ST18: variants seen among roughly 807,000 people sequenced by gnomAD.
The protein encoded by ST18 is ST18 C2H2C-type zinc finger transcription factor.
A neutral mutation model predicts 110.0 loss-of-function variants in ST18; 50 were observed. The observed-to-expected ratio is 0.45, with a 90% confidence interval of 0.36 to 0.58. ST18 has a LOEUF of 0.58. ST18 is among the 20% of genes least tolerant of loss of function. The pLI is 0.00. For missense variants in ST18, 1,306 were observed against 1,280.1 expected, an observed-to-expected ratio of 1.02 and a Z score of -0.31; for synonymous variants, 461 against 452.4, an observed-to-expected ratio of 1.02 and a Z score of -0.24.
chr8:52,344,676 C>T lies in ST18; in HGVS notation c.-465+64652G>A, dbSNP rs1269060773. On this transcript the variant is annotated intron_variant, in intron 2 of 25. Coordinates refer to ENST00000689386, the MANE Select transcript of ST18 (RefSeq NM_001352837.2). ...TCAGCCTCCCAAAGTGTTGGGATTA[C>T]AGGCATGAGCCACCGTGCCCAGCCA... Among the ~76,000 whole-genome samples, 5 of 152,334 alleles carry T rather than the reference C, an allele frequency of 3.3e-5. No individual in the cohort carries two copies. The East Asian group carries it at 7.7e-4, about 24-fold the overall frequency.
chr8:52,253,730 G>T (rs895090238), intron 2 of ST18, among the ~76,000 whole-genome samples: 2 of 152,002 alleles, frequency 1.3e-5, no homozygotes, highest in Non-Finnish European at 2.9e-5. Context: ...GGATCTCACT[G>T]GTAATTTTTG....
At chr8:52,318,891 G>T (rs983663051) in intron 2 of ST18, among the ~76,000 whole-genome samples, 5 of 151,726 alleles carry the variant, frequency 3.3e-5, no homozygotes, top group Non-Finnish European at 7.4e-5. Context: ...GACACATGGG[G>T]GGGTGGGACA....
chr8:52,317,967 C>T lies in ST18; in HGVS notation c.-464-87890G>A, dbSNP rs528252460. 3.3e-5 allele frequency among the ~76,000 whole-genome samples: 5 copies of T among 152,184 alleles called. No individual in the cohort carries two copies. In the East Asian group the frequency reaches 9.7e-4, roughly 29 times the overall value. ...GGCAATACCATTCAGAACATAGGCACAGGCAAAGATTTCATAAGGAAGATG... is the reference window on the plus strand; with the variant it reads ...GGCAATACCATTCAGAACATAGGCATAGGCAAAGATTTCATAAGGAAGATG... On this transcript the variant is annotated intron_variant, in intron 2 of 25. Coordinates refer to ENST00000689386, the MANE Select transcript of ST18 (RefSeq NM_001352837.2).
At chr8:52,214,314 A>G in intron 6 of ST18, 57 bp from the exon 7 acceptor site, 1 of 1,575,896 alleles carries the variant, frequency 6.3e-7, no homozygotes, top group Non-Finnish European at 8.7e-7. Context: ...CAAAATATGA[A>G]AACATGTAAT....
Position 52,161,401 on chromosome 8 carries a change from C to T in ST18, c.1568G>A (p.Gly523Glu), listed in dbSNP as rs753696194. ...TTCAGGAAATGGTGGTGTTTTTCGT[C>T]CTTGCACTGTTTGTATGAGAGGGCG... The part of the protein sequence containing the change: ...GKRPLIQTVQ[G>E]RKTPPFPESK... The change falls in exon 14 of 26, where the codon GGA (glycine) becomes GAA (glutamate). Residue 523 changes from glycine (G) to glutamate (E), a missense_variant. Gly to Glu is a moderately conservative substitution (Grantham distance 98). Transcript: ENST00000689386. 31 of 1,613,980 alleles carry T rather than the reference C, an allele frequency of 1.9e-5. No individual in the cohort carries two copies. Among genetic ancestry groups the T allele is most frequent in the Middle Eastern group, 3.3e-4 (2 of 6,082 alleles).
At chr8:52,180,364 T>G (rs577294068) in intron 8 of ST18, 52 bp from the exon 9 acceptor site, 1 of 1,593,016 alleles carries the variant, frequency 6.3e-7, no homozygotes, top group East Asian at 2.2e-5. Context: ...TTTACTGCTG[T>G]TTGGCATTTA....
intron 2 of ST18, among the ~76,000 whole-genome samples, chr8:52,355,705 A>G (rs769368719): frequency 2.0e-5 from 3 of 152,198 alleles, no homozygotes; most frequent in Non-Finnish European, 4.4e-5. Flanking sequence ...ACTGCCTACC[A>G]TTCTCCAATC....
chr8:52,216,097 G>A (rs1049754010), intron 6 of ST18, among the ~76,000 whole-genome samples: 15 of 152,196 alleles, frequency 9.9e-5, no homozygotes, highest in African/African-American at 3.4e-4. Context: ...GATGAACTCC[G>A]TGAGTTTCTT....
At position 52,266,611 on chromosome 8, in the gene ST18, G is replaced by A. The variant is rs544297751; in HGVS notation, c.-464-36534C>T. Among the ~76,000 whole-genome samples the A allele has an allele frequency of 1.3e-3, 188 of 148,860 alleles. 1 individual carries two copies. The highest frequency in any genetic ancestry group is 3.8e-3 in the Admixed American group (56 of 14,828). ...GGCTGGAGTGCAGTGGCGTGATCTCGGCTCACTGCAGCCTCCACCTCCCAG... is the reference window on the plus strand; with the variant it reads ...GGCTGGAGTGCAGTGGCGTGATCTCAGCTCACTGCAGCCTCCACCTCCCAG... On this transcript the variant is annotated intron_variant, in intron 2 of 25. Transcript: ENST00000689386.
intron 17 of ST18, among the ~76,000 whole-genome samples, chr8:52,138,519 G>A (rs555597636): frequency 9.1e-4 from 138 of 152,328 alleles, no homozygotes; most frequent in African/African-American, 3.0e-3. Flanking sequence ...AGGAGTTCGA[G>A]CCTGCAGTGA....
intron 2 of ST18, among the ~76,000 whole-genome samples, chr8:52,235,838 A>G (rs958490795): frequency 1.3e-5 from 2 of 152,156 alleles, no homozygotes; most frequent in Non-Finnish European, 2.9e-5. Context: ...GTGCAGGGGG[A>G]GGGGATATTA....
intron 2 of ST18, among the ~76,000 whole-genome samples, chr8:52,279,344 C>T (rs1312080689): frequency 6.6e-6 from 1 of 152,026 alleles, no homozygotes; most frequent in African/African-American, 2.4e-5. Context: ...GGAGACACAT[C>T]TGAAGGAACT....
rs1386182713 is a variant in ST18, at chr8:52,165,164, A to G, written c.1266T>C (p.His422=). The G allele has an allele frequency of 3.1e-6, 5 of 1,614,224 alleles. No homozygotes were observed. In the South Asian group the frequency reaches 3.3e-5, roughly 11 times the overall value. Residue 422 remains histidine (H), a synonymous_variant, in exon 12 of 26, where the codon CAT becomes CAC. Coordinates refer to ENST00000689386, the MANE Select transcript of ST18 (RefSeq NM_001352837.2). ...TGTGGGTGTTGCGGTTGCTGTTCACATGACCCCTTCCTGTGCATCCCGGCG... is the reference window on the plus strand; with the variant it reads ...TGTGGGTGTTGCGGTTGCTGTTCACGTGACCCCTTCCTGTGCATCCCGGCG... ...CPTPGCTGRG[H]VNSNRNTHRS...
intron 25 of ST18, among the ~76,000 whole-genome samples, chr8:52,115,072 T>A (rs915099985): frequency 6.6e-6 from 1 of 152,352 alleles, no homozygotes; most frequent in South Asian, 2.1e-4. Context: ...TTGCTTTGTG[T>A]TCATTATTAC....
chr8:52,113,954 GTTTTTTTTTTTTTT>G (rs1158213340), intron 25 of ST18, among the ~76,000 whole-genome samples: 12 of 45,442 alleles, frequency 2.6e-4, no homozygotes, highest in South Asian at 3.2e-3. Context: ...TTCATACCGT[GTTTTTTTTTTTTTT>G]TTTTTTTTTT....
intron 8 of ST18, among the ~76,000 whole-genome samples, chr8:52,194,039 GA>G (rs1168767130): frequency 4.0e-5 from 6 of 150,928 alleles, no homozygotes; most frequent in African/African-American, 1.5e-4. Context: ...TAAAAGGGGA[GA>G]ATTTTTTTTC....
At chr8:52,307,308 G>A (rs1312697982) in intron 2 of ST18, among the ~76,000 whole-genome samples, 1 of 152,158 alleles carries the variant, frequency 6.6e-6, no homozygotes, top group Non-Finnish European at 1.5e-5. Context: ...ATGTGGTAAT[G>A]CGAATAAGAT....
At chr8:52,382,352 T>C (rs185359719) in intron 2 of ST18, among the ~76,000 whole-genome samples, 1 of 152,156 alleles carries the variant, frequency 6.6e-6, no homozygotes, top group African/African-American at 2.4e-5. Flanking sequence ...TTAGTACAGA[T>C]ATGGTTTACT....
intron 8 of ST18, among the ~76,000 whole-genome samples, chr8:52,198,170 C>T (rs1240455780): frequency 6.6e-6 from 1 of 152,052 alleles, no homozygotes; most frequent in Non-Finnish European, 1.5e-5. Flanking sequence ...CCACGCCTGG[C>T]TAATTTTTGT....
Sources: gnomAD v4.1 joint callset for allele counts (sites outside exome capture counted in the v4.1 genomes callset) on GRCh38, gnomAD v4.1.1 for gene constraint, MANE v1.5 for transcripts, NCBI Gene and HGNC (gene_info 2026-07-23, HGNC 2026-07-21) for gene names.